The following RMDN2 variants were observed in gnomAD, a reference collection of about 807,000 sequenced individuals.
RMDN2 encodes regulator of microtubule dynamics protein 2.
Under a neutral mutation model 52.8 loss-of-function variants are expected in RMDN2, and 61 were observed. The ratio of observed to expected loss-of-function variants is 1.16; its 90% CI spans 0.94 to 1.43. The LOEUF (loss-of-function observed/expected upper bound fraction) is 1.43. Among genes scored for constraint, RMDN2 ranks in the 40% most tolerant of loss-of-function variants. The pLI, the probability that RMDN2 is intolerant of heterozygous loss-of-function variation, is 0.00. For synonymous variants in RMDN2, 180 were observed against 153.1 expected (o/e 1.18, Z -1.30); for missense variants, 592 against 475.3 (o/e 1.25, Z -2.28).
At chr2:37,962,298 C>T (rs1197678118) in intron 2 of RMDN2, among the ~76,000 whole-genome samples, 7 of 152,228 alleles carry the variant, frequency 4.6e-5, no homozygotes, top group Non-Finnish European at 1.0e-4. Flanking sequence ...CCACAGCCAC[C>T]CCTTCCCCCA....
At chr2:38,020,600 C>A (rs909191961), downstream of RMDN2, among the ~76,000 whole-genome samples, 1 of 152,222 alleles carries the variant, frequency 6.6e-6, no homozygotes, top group Non-Finnish European at 1.5e-5. Context: ...GGGCCCCACA[C>A]TGGGAGCGGC....
At chr2:38,012,600 C>T (rs1417774807) in intron 10 of RMDN2, 2 of 468,486 alleles carry the variant, frequency 4.3e-6, no homozygotes, top group Non-Finnish European at 8.8e-6. Context: ...TTTTTTTCCT[C>T]AGTGATGTCT....
At position 37,977,545 on chromosome 2, in the gene RMDN2, G is replaced by A. The variant is rs77250577; in HGVS notation, c.730+2231G>A. 8.9e-4 allele frequency among the ~76,000 whole-genome samples: 135 copies of A among 151,744 alleles called. 1 individual carries two copies. In the East Asian group the frequency reaches 0.022, roughly 25 times the overall value. On this transcript the variant is annotated intron_variant, in intron 4 of 10. Transcript: ENST00000354545. The stretch of plus-strand genomic sequence containing the variant: ...CCGGATGGGGCGGCTGCCAGGCGGA[G>A]GGGCTCCTCAGTTCCCAGATGGGGC...
intron 2 of RMDN2, among the ~76,000 whole-genome samples, chr2:37,957,285 CT>C (rs1669604114): frequency 6.6e-6 from 1 of 152,154 alleles, no homozygotes; most frequent in South Asian, 2.1e-4. Context: ...AGTGTGAAAG[CT>C]TTCCTATTTC....
chr2:37,982,129 A>G (rs1346087410), intron 5 of RMDN2, among the ~76,000 whole-genome samples: 3 of 152,078 alleles, frequency 2.0e-5, no homozygotes, highest in Non-Finnish European at 1.5e-5. Context: ...TCCCATCCCT[A>G]TGATGTAGGG....
intron 2 of RMDN2, among the ~76,000 whole-genome samples, chr2:37,943,730 TGTTAAACTGCA>T (rs1237024483): frequency 2.6e-5 from 4 of 152,342 alleles, no homozygotes; most frequent in African/African-American, 7.2e-5. Context: ...GCATTTTTCA[TGTTAAACTGCA>T]GTTAAACTCC....
intron 10 of RMDN2, among the ~76,000 whole-genome samples, chr2:38,055,250 T>C (rs1681814768): frequency 6.6e-6 from 1 of 151,904 alleles, no homozygotes; most frequent in Non-Finnish European, 1.5e-5. Flanking sequence ...GTTGCCGTTC[T>C]AAAGCACTTG....
intron 8 of RMDN2, among the ~76,000 whole-genome samples, chr2:38,001,551 T>C (rs1259556743): frequency 6.6e-6 from 1 of 152,232 alleles, no homozygotes; most frequent in African/African-American, 2.4e-5. Flanking sequence ...TTATAATCAC[T>C]TTAGTTAACT....
intron 2 of RMDN2, among the ~76,000 whole-genome samples, chr2:37,944,610 G>A (rs1216734131): frequency 1.3e-5 from 2 of 152,190 alleles, no homozygotes; most frequent in African/African-American, 2.4e-5. Context: ...TTGAGACTTA[G>A]GAGGTCACTT....
intron 5 of RMDN2, among the ~76,000 whole-genome samples, chr2:37,987,851 G>T (rs1674240957): frequency 6.6e-6 from 1 of 151,290 alleles, no homozygotes. Flanking sequence ...CTGAGGTCAG[G>T]AGTTCGAGAC....
At chr2:37,949,829 C>T (rs147706733) in intron 2 of RMDN2, 17 of 153,142 alleles carry the variant, frequency 1.1e-4, no homozygotes, top group African/African-American at 3.6e-4. Flanking sequence ...GGGACAATAG[C>T]CCAAATTGGT....
chr2:38,034,792 T>C (rs937809006), intron 10 of RMDN2, among the ~76,000 whole-genome samples: 1 of 145,868 alleles, frequency 6.9e-6, no homozygotes, highest in Non-Finnish European at 1.5e-5. Flanking sequence ...TATAAAATAT[T>C]TTAAAGGGCA....
intron 2 of RMDN2, 34 bp downstream of exon 2, chr2:37,929,763 T>G (rs1012304868): frequency 1.7e-5 from 23 of 1,356,408 alleles, no homozygotes; most frequent in Non-Finnish European, 2.3e-5. Flanking sequence ...TATGTTGAAT[T>G]GGTTATTATC....
downstream of RMDN2, among the ~76,000 whole-genome samples, chr2:38,019,704 C>T (rs986077417): frequency 7.2e-5 from 11 of 151,932 alleles, no homozygotes; most frequent in African/African-American, 2.4e-4. Context: ...GAGGCTGAGG[C>T]GGGAGGATTC....
At chr2:37,996,914 G>T (rs1675629104) in intron 7 of RMDN2, among the ~76,000 whole-genome samples, 1 of 152,092 alleles carries the variant, frequency 6.6e-6, no homozygotes, top group Non-Finnish European at 1.5e-5. Flanking sequence ...CTTCTGGCTT[G>T]AGGATCCCTA....
chr2:38,021,948 G>A (rs1679412924), downstream of RMDN2, among the ~76,000 whole-genome samples: 1 of 152,214 alleles, frequency 6.6e-6, no homozygotes, highest in Admixed American at 6.5e-5. Flanking sequence ...GGATACATAG[G>A]ATATTTTGTC....
chr2:38,009,428 T>G (rs1337938218), intron 10 of RMDN2, among the ~76,000 whole-genome samples: 1 of 152,224 alleles, frequency 6.6e-6, no homozygotes, highest in Non-Finnish European at 1.5e-5. Flanking sequence ...CTTTTTTCTC[T>G]ACACTTCTCC....
At chr2:37,972,583 G>A (rs1297343213) in intron 2 of RMDN2, among the ~76,000 whole-genome samples, 2 of 152,156 alleles carry the variant, frequency 1.3e-5, no homozygotes, top group Admixed American at 1.3e-4. Flanking sequence ...TTTGAGCAAA[G>A]GAGTGACGTG....
intron 8 of RMDN2, among the ~76,000 whole-genome samples, chr2:38,001,764 AC>A (rs1430654299): frequency 6.6e-6 from 1 of 152,252 alleles, no homozygotes; most frequent in African/African-American, 2.4e-5. Context: ...AAATGCACTT[AC>A]CAAACTAGAA....
Sources: gnomAD v4.1 joint callset for allele counts (sites outside exome capture counted in the v4.1 genomes callset) on GRCh38, gnomAD v4.1.1 for gene constraint, MANE v1.5 for transcripts, NCBI Gene and HGNC (gene_info 2026-07-23, HGNC 2026-07-21) for gene names.